The following NAV2 variants were observed in gnomAD, a reference collection of about 807,000 sequenced individuals.
The protein encoded by NAV2 is helicase, APC down-regulated 1.
NAV2 carries 54 observed loss-of-function variants against 223.2 expected under a neutral mutation model. The observed-to-expected ratio is 0.24, with a 90% CI of 0.19 to 0.30. The LOEUF is 0.30. Among genes scored for constraint, NAV2 ranks in the 10% least tolerant of loss-of-function variants. The pLI is 1.00. For synonymous variants in NAV2, 1,279 were observed against 1,239.3 expected, an observed-to-expected ratio of 1.03 and a Z score of -0.67; for missense variants, 2,806 against 3,147.5, an observed-to-expected ratio of 0.89 and a Z score of 2.60.
chr11:19,578,387 A>G (rs1329251101), intron 1 of NAV2, among the ~76,000 whole-genome samples: 1 of 152,230 alleles, frequency 6.6e-6, no homozygotes, highest in African/African-American at 2.4e-5. Flanking sequence ...GCAGTTGCAG[A>G]TGTCCTGGGC....
chr11:20,008,480 C>T (rs1046859270), intron 11 of NAV2, among the ~76,000 whole-genome samples: 1 of 152,214 alleles, frequency 6.6e-6, no homozygotes, highest in East Asian at 1.9e-4. Flanking sequence ...GCTTTTCCTG[C>T]CCCTTAACAG....
chr11:19,916,778 G>C (rs553619071), intron 6 of NAV2, among the ~76,000 whole-genome samples: 3 of 152,338 alleles, frequency 2.0e-5, no homozygotes, highest in African/African-American at 2.4e-5. Flanking sequence ...GAATGAGTAC[G>C]GCTGTGTTCC....
intron 1 of NAV2, among the ~76,000 whole-genome samples, chr11:19,568,873 C>T (rs1565058288): frequency 6.6e-6 from 1 of 152,212 alleles, no homozygotes; most frequent in Non-Finnish European, 1.5e-5. Context: ...GGGCCAAAGT[C>T]ATTAACTTAC....
intron 11 of NAV2, among the ~76,000 whole-genome samples, chr11:19,988,164 C>T (rs1051965503): frequency 6.6e-6 from 1 of 152,214 alleles, no homozygotes; most frequent in African/African-American, 2.4e-5. Flanking sequence ...CAAAGCCACA[C>T]CATCCTCCTC....
chr11:19,796,767 C>T (rs1302281776), intron 1 of NAV2, among the ~76,000 whole-genome samples: 2 of 152,216 alleles, frequency 1.3e-5, no homozygotes, highest in Non-Finnish European at 2.9e-5. Context: ...GAGCAGAATT[C>T]TGCAAGATTG....
intron 36 of NAV2, among the ~76,000 whole-genome samples, chr11:20,110,443 G>A (rs1045976853): frequency 2.0e-5 from 3 of 152,196 alleles, no homozygotes; most frequent in South Asian, 2.1e-4. Context: ...TTAGGGGCCC[G>A]ACGTGCATGA....
intron 24 of NAV2, 104 bp downstream of exon 24, chr11:20,078,208 G>A (rs570499620): frequency 4.6e-5 from 38 of 824,186 alleles, no homozygotes; most frequent in East Asian, 1.1e-4. Context: ...CAGTGTCTGC[G>A]TAATTCAGCT....
intron 5 of NAV2, among the ~76,000 whole-genome samples, chr11:19,887,101 G>T (rs1227535601): frequency 6.6e-6 from 1 of 152,034 alleles, no homozygotes; most frequent in Non-Finnish European, 1.5e-5. Flanking sequence ...TACCCCTTCT[G>T]GCAGAGTAGG....
intron 1 of NAV2, among the ~76,000 whole-genome samples, chr11:19,480,830 C>T (rs2042255156): frequency 6.6e-6 from 1 of 152,208 alleles, no homozygotes. Context: ...AGGGTCCAGG[C>T]TCCCAGACCA....
At chr11:19,598,042 G>C (rs568052345) in intron 1 of NAV2, among the ~76,000 whole-genome samples, 2 of 152,342 alleles carry the variant, frequency 1.3e-5, no homozygotes, top group East Asian at 3.9e-4. Context: ...ATGCCCTTCT[G>C]CTGCCCTGGG....
rs1485086572 is a variant in NAV2 at position 20,048,792 on chromosome 11, G to T, written c.3967G>T (p.Val1323Leu). 5 of 1,614,010 alleles carry T rather than the reference G, an allele frequency of 3.1e-6. No homozygotes were observed. Among genetic ancestry groups the T allele is most frequent in the Non-Finnish European group, 4.2e-6 (5 of 1,180,036 alleles). Residue 1323 changes from valine (V) to leucine (L), a missense_variant, in exon 15 of 38, where the codon GTG becomes TTG. By Grantham distance (32) the Val-to-Leu change is conservative. Around this residue, in one of 4 missense-constraint regions of NAV2, gnomAD observed 742 missense variants for 777.9 expected, o/e 0.95. Transcript: ENST00000349880. ...IATAENMKNS[V>L]VISNPHATMT... Reference sequence around the variant, plus strand: ...CACAGCTGAAAACATGAAAAATTCGGTGGTCATCTCCAATCCTCATGCCAC... The same window carrying T: ...CACAGCTGAAAACATGAAAAATTCGTTGGTCATCTCCAATCCTCATGCCAC...
intron 1 of NAV2, among the ~76,000 whole-genome samples, chr11:19,402,488 T>C (rs1431437159): frequency 6.6e-6 from 1 of 152,254 alleles, no homozygotes; most frequent in East Asian, 1.9e-4. Context: ...TTTGTATATT[T>C]CCTTCACAGT....
intron 4 of NAV2, among the ~76,000 whole-genome samples, chr11:19,871,091 T>C (rs1480790202): frequency 3.9e-5 from 6 of 152,130 alleles, no homozygotes; most frequent in Non-Finnish European, 8.8e-5. Flanking sequence ...TATCAAGCCA[T>C]TGTGGTACAA....
intron 2 of NAV2, among the ~76,000 whole-genome samples, chr11:19,838,302 A>C (rs1202187082): frequency 2.0e-5 from 3 of 152,118 alleles, no homozygotes; most frequent in Non-Finnish European, 4.4e-5. Flanking sequence ...CTCAGACCCG[A>C]CCTATGATGG....
chr11:20,078,551 C>T (rs891965780), intron 24 of NAV2, among the ~76,000 whole-genome samples: 9 of 152,120 alleles, frequency 5.9e-5, no homozygotes, highest in African/African-American at 1.7e-4. Context: ...CTCTACTTCC[C>T]GGGTTCAAGT....
chr11:19,681,886 G>A (rs991376080), intron 1 of NAV2, among the ~76,000 whole-genome samples: 4 of 152,262 alleles, frequency 2.6e-5, no homozygotes, highest in South Asian at 2.1e-4. Context: ...AGGAGGCTGC[G>A]TGGTGGTTTC....
chr11:19,404,026 A>C (rs1350613675), intron 1 of NAV2, among the ~76,000 whole-genome samples: 5 of 152,132 alleles, frequency 3.3e-5, no homozygotes, highest in Non-Finnish European at 1.5e-5. Context: ...GGTGAGTCTG[A>C]GGAGTGAGTG....
Position 19,933,514 on chromosome 11 carries a change from G to C in NAV2, c.1270G>C (p.Asp424His), listed in dbSNP as rs772999140. The change falls in exon 7 of 38, where the codon GAC (aspartate) becomes CAC (histidine). Residue 424 changes from aspartate (D) to histidine (H), a missense_variant. Physicochemically the swap from Asp to His is moderately conservative, Grantham distance 81. Transcript: ENST00000349880. This position sits in a 1 kb window ranked among gnomAD's most constrained non-coding sequence, Gnocchi z 4.3. The stretch of plus-strand genomic sequence containing the variant: ...GGCAGGTGAGGGGCCGGGGTCCCGG[G>C]ACACAAGCTGTGAGCGGCTGGAGAC... ...SKAGEGPGSR[D>H]TSCERLETLP... 11 of 1,610,510 alleles carry C rather than the reference G, an allele frequency of 6.8e-6. No homozygotes were observed. In the African/African-American group the frequency reaches 1.2e-4, roughly 18 times the overall value.
chr11:19,360,745 G>A (rs1362795598), intron 1 of NAV2, among the ~76,000 whole-genome samples: 2 of 152,186 alleles, frequency 1.3e-5, no homozygotes, highest in African/African-American at 2.4e-5. Flanking sequence ...GAAGAAGAAG[G>A]CTGGAGAGCA....
Sources: gnomAD v4.1 joint callset for allele counts (sites outside exome capture counted in the v4.1 genomes callset) on GRCh38, gnomAD v4.1.1 for gene constraint, gnomAD v4.1.1 regional missense constraint, Gnocchi (gnomAD v3.1) non-coding constraint, MANE v1.5 for transcripts, NCBI Gene and HGNC (gene_info 2026-07-23, HGNC 2026-07-21) for gene names.